The following ASAP1 variants were observed in gnomAD, a reference collection of about 807,000 sequenced individuals.
ASAP1 encodes the protein ArfGAP with SH3 domain, ankyrin repeat and PH domain 1.
In ASAP1, 43 loss-of-function variants were observed where a neutral mutation model predicts 145.2. The ratio of observed to expected loss-of-function variants is 0.30; its 90% CI spans 0.23 to 0.38. ASAP1 has a LOEUF of 0.38. Among genes scored for constraint, ASAP1 ranks in the 10% least tolerant of loss-of-function variants. ASAP1 has a pLI of 1.00. For missense variants in ASAP1, 1,018 were observed against 1,355.3 expected (o/e 0.75, Z 3.91); for synonymous variants, 546 against 515.5 (o/e 1.06, Z -0.80).
intron 27 of ASAP1, among the ~76,000 whole-genome samples, chr8:130,066,273 AT>A (rs2097430466): frequency 6.6e-6 from 1 of 152,232 alleles, no homozygotes; most frequent in Non-Finnish European, 1.5e-5. Context: ...GGCAGAGCCA[AT>A]CACCCTGTCT....
chr8:130,282,772 G>T (rs1436573833), intron 3 of ASAP1, among the ~76,000 whole-genome samples: 1 of 152,106 alleles, frequency 6.6e-6, no homozygotes, highest in Non-Finnish European at 1.5e-5. Context: ...GTGTGGTGGG[G>T]GTAGACAACT....
In ASAP1 at chr8:130,054,524, G is replaced by A; in HGVS notation, c.*207C>T. ...AAGGATGGCTTTGGCAAACCAGTAA[G>A]GCGCGCCGGGTCCGAGGCTACCCTC... On this transcript the variant is annotated 3_prime_UTR_variant, in exon 30 of 30. Transcript: ENST00000518721. 2.1e-6 allele frequency: 1 copy of A among 479,476 alleles called. No individual in the cohort carries two copies. The highest frequency in any genetic ancestry group is 3.2e-5 in the Admixed American group (1 of 31,564). 29.7% of individuals were successfully genotyped at this position (479,476 alleles called of 1,614,324 possible).
chr8:130,246,485 T>C (rs376920672), intron 3 of ASAP1, among the ~76,000 whole-genome samples: 68 of 152,200 alleles, frequency 4.5e-4, no homozygotes, highest in African/African-American at 1.5e-3. Flanking sequence ...GTTATCATAA[T>C]AGTGAGTGAG....
At chr8:130,248,234 G>A (rs1303523567) in intron 3 of ASAP1, among the ~76,000 whole-genome samples, 6 of 152,102 alleles carry the variant, frequency 3.9e-5, no homozygotes, top group Non-Finnish European at 4.4e-5. Flanking sequence ...GGGGGTTGGA[G>A]GGGGGAGTGC....
chr8:130,153,384 T>TA (rs1452655027), intron 12 of ASAP1, among the ~76,000 whole-genome samples: 8 of 135,852 alleles, frequency 5.9e-5, no homozygotes, highest in African/African-American at 5.6e-5. Flanking sequence ...TATATATATA[T>TA]TTTGAGACAG....
intron 2 of ASAP1, among the ~76,000 whole-genome samples, chr8:130,361,434 T>G (rs1461123512): frequency 1.3e-5 from 2 of 152,224 alleles, no homozygotes; most frequent in Non-Finnish European, 2.9e-5. Context: ...CTAAGCTAAC[T>G]GCAATGGTAG....
chr8:130,240,536 T>A (rs1464957240), intron 3 of ASAP1, among the ~76,000 whole-genome samples: 1 of 152,076 alleles, frequency 6.6e-6, no homozygotes. Context: ...AAATAAGGGC[T>A]AAGAGAAAAA....
At chr8:130,434,990 A>G (rs115728470) in intron 1 of ASAP1, among the ~76,000 whole-genome samples, 24 of 152,312 alleles carry the variant, frequency 1.6e-4, no homozygotes, top group African/African-American at 5.3e-4. Context: ...GGAAGTTCCC[A>G]AGGCAAGATG....
intron 3 of ASAP1, among the ~76,000 whole-genome samples, chr8:130,314,746 G>T (rs964682749): frequency 6.6e-6 from 1 of 152,212 alleles, no homozygotes; most frequent in Non-Finnish European, 1.5e-5. Flanking sequence ...CAAACGAAAG[G>T]GAGCTAAGCC....
At chr8:130,298,674 T>C (rs1822438175) in intron 3 of ASAP1, among the ~76,000 whole-genome samples, 1 of 152,216 alleles carries the variant, frequency 6.6e-6, no homozygotes, top group Admixed American at 6.5e-5. Context: ...CCCATTATCC[T>C]TTAGCTATAA....
intron 13 of ASAP1, among the ~76,000 whole-genome samples, chr8:130,141,838 C>T (rs2097612400): frequency 6.6e-6 from 1 of 152,128 alleles, no homozygotes; most frequent in African/African-American, 2.4e-5. Flanking sequence ...CTGCCTCAGC[C>T]TCCCAAGTAG....
chr8:130,342,905 T>C (rs1309450284), intron 3 of ASAP1, among the ~76,000 whole-genome samples: 1 of 152,152 alleles, frequency 6.6e-6, no homozygotes, highest in Non-Finnish European at 1.5e-5. Flanking sequence ...CCTACTTCTC[T>C]GCCAAGTGTT....
At chr8:130,159,369 T>C (rs2097664481) in intron 12 of ASAP1, among the ~76,000 whole-genome samples, 1 of 151,550 alleles carries the variant, frequency 6.6e-6, no homozygotes, top group African/African-American at 2.4e-5. Flanking sequence ...ACACCTAAAA[T>C]CCCAGCACTT....
At chr8:130,071,504 T>C (rs529331537) in intron 27 of ASAP1, among the ~76,000 whole-genome samples, 1 of 152,348 alleles carries the variant, frequency 6.6e-6, no homozygotes, top group African/African-American at 2.4e-5. Flanking sequence ...GCTAGACTTG[T>C]ATTGCTGCTT....
intron 13 of ASAP1, among the ~76,000 whole-genome samples, chr8:130,140,305 A>G (rs1331715275): frequency 6.6e-5 from 10 of 151,818 alleles, no homozygotes; most frequent in Admixed American, 4.6e-4. Context: ...GTGAGATTAT[A>G]GGCGTGAGGC....
Position 130,072,825 on chromosome 8 carries a change from G to GTGCGTGTGCGCGCGCGCGCGCGCA in ASAP1, c.2701+3522_2701+3523insTGCGCGCGCGCGCGCGCACACGCA. ...TGTGTGTGTGTGTGTGTGTGTGTGTGCGCGCGGGGGGGGGCAGTTTTGGGG... is the reference window on the plus strand; with the variant it reads ...TGTGTGTGTGTGTGTGTGTGTGTGTGTGCGTGTGCGCGCGCGCGCGCGCACGCGCGGGGGGGGGCAGTTTTGGGG... On this transcript the variant is annotated intron_variant, in intron 27 of 29. Coordinates refer to ENST00000518721, the MANE Select transcript of ASAP1 (RefSeq NM_018482.4). 7.8e-4 allele frequency among the ~76,000 whole-genome samples: 42 copies of GTGCGTGTGCGCGCGCGCGCGCGCA among 54,114 alleles called. 3 individuals are homozygous for GTGCGTGTGCGCGCGCGCGCGCGCA. The highest frequency in any genetic ancestry group is 2.8e-3 in the Admixed American group (16 of 5,782). 35.5% of individuals were successfully genotyped at this position (54,114 alleles called of 152,430 possible). A position where few individuals can be genotyped will look rare whatever the true frequency, so the allele number is the denominator to read the frequency against.
chr8:130,322,219 T>A (rs1340022), intron 3 of ASAP1, among the ~76,000 whole-genome samples: 1 of 151,584 alleles, frequency 6.6e-6, no homozygotes, highest in Non-Finnish European at 1.5e-5. Flanking sequence ...CAGTGAAAAA[T>A]TGCATAAGAA....
intron 7 of ASAP1, 75 bp downstream of exon 7, chr8:130,187,161 G>GTTTTTT: frequency 9.2e-7 from 1 of 1,089,500 alleles, no homozygotes; most frequent in African/African-American, 1.7e-5. Context: ...TTCCAGTTAA[G>GTTTTTT]TTTTTTTTTT....
intron 11 of ASAP1, among the ~76,000 whole-genome samples, chr8:130,166,329 A>G (rs1163574407): frequency 6.6e-6 from 1 of 152,216 alleles, no homozygotes; most frequent in African/African-American, 2.4e-5. Flanking sequence ...ATTTCATAAC[A>G]AAAACAGGCA....
Sources: gnomAD v4.1 joint callset for allele counts (sites outside exome capture counted in the v4.1 genomes callset) on GRCh38, gnomAD v4.1.1 for gene constraint, MANE v1.5 for transcripts, NCBI Gene and HGNC (gene_info 2026-07-23, HGNC 2026-07-21) for gene names.